FCHSD2: variants seen among roughly 807,000 people sequenced by gnomAD.
FCHSD2 encodes the protein F-BAR and double SH3 domains protein 2.
In FCHSD2, 38 loss-of-function variants were observed where a neutral mutation model predicts 108.1. The observed-to-expected ratio is 0.35, with a 90% CI of 0.27 to 0.46. FCHSD2 has a LOEUF of 0.46. FCHSD2 is among the 20% of genes least tolerant of loss of function. FCHSD2 has a pLI of 1.00. For missense variants in FCHSD2, 751 were observed against 897.8 expected (o/e 0.84, Z 2.09); for synonymous variants, 279 against 314.7 (o/e 0.89, Z 1.20).
intron 3 of FCHSD2, among the ~76,000 whole-genome samples, chr11:73,052,779 G>A (rs1858931454): frequency 6.6e-6 from 1 of 151,848 alleles, no homozygotes; most frequent in Admixed American, 6.6e-5. Flanking sequence ...AAGATCAAAG[G>A]GCAAAAAAAG....
At chr11:72,908,868 GGT>G (rs1855689058) in intron 9 of FCHSD2, among the ~76,000 whole-genome samples, 1 of 152,046 alleles carries the variant, frequency 6.6e-6, no homozygotes, top group Non-Finnish European at 1.5e-5. Flanking sequence ...TGCCCAGGCT[GGT>G]CTCTAACTCC....
rs1377717711 is a variant in FCHSD2, at chr11:72,941,045, C to A, written c.706-19095G>T. On this transcript the variant is annotated intron_variant, in intron 8 of 19. Transcript: ENST00000409418. ...GGAAAGGACCGTATGTTCCACCATG[C>A]TATTGGTGGTTCTTGCCGGGCAGCT... 4.3e-6 allele frequency: 3 copies of A among 691,484 alleles called. No individual in the cohort carries two copies. In the Admixed American group the frequency reaches 6.0e-5, roughly 14 times the overall value. The allele number at this position is 691,484 out of a possible 1,614,324, so 42.8% of individuals were successfully genotyped here.
At chr11:73,097,504 T>G (rs963837656) in intron 2 of FCHSD2, among the ~76,000 whole-genome samples, 1 of 151,694 alleles carries the variant, frequency 6.6e-6, no homozygotes, top group Non-Finnish European at 1.5e-5. Context: ...CATTCCCTTT[T>G]CTTCTGTTTT....
At chr11:72,879,914 G>T (rs1233160088) in intron 12 of FCHSD2, among the ~76,000 whole-genome samples, 2 of 150,382 alleles carry the variant, frequency 1.3e-5, no homozygotes, top group African/African-American at 2.4e-5. Flanking sequence ...CCGAACAATC[G>T]GTTGAACCCA....
At chr11:72,879,160 C>A (rs1855029270) in intron 12 of FCHSD2, among the ~76,000 whole-genome samples, 1 of 152,080 alleles carries the variant, frequency 6.6e-6, no homozygotes, top group Non-Finnish European at 1.5e-5. Flanking sequence ...ACAACTCTAT[C>A]CAGCCAGAGT....
intron 12 of FCHSD2, among the ~76,000 whole-genome samples, chr11:72,881,652 G>GATTAAGAAAA (rs1465218285): frequency 1.3e-5 from 2 of 152,122 alleles, no homozygotes; most frequent in African/African-American, 4.8e-5. Context: ...TCCATCAGTG[G>GATTAAGAAAA]ATTAAGAAAA....
At chr11:72,930,433 T>G (rs554727505) in intron 8 of FCHSD2, among the ~76,000 whole-genome samples, 5 of 152,298 alleles carry the variant, frequency 3.3e-5, no homozygotes, top group Admixed American at 1.3e-4. Flanking sequence ...ATTTAGAGAT[T>G]CATCTCTATA....
intron 3 of FCHSD2, among the ~76,000 whole-genome samples, chr11:73,074,087 G>C (rs879683583): frequency 6.6e-6 from 1 of 151,822 alleles, no homozygotes; most frequent in African/African-American, 2.4e-5. Flanking sequence ...GTGTGATATC[G>C]GGAAAAAAAT....
intron 3 of FCHSD2, among the ~76,000 whole-genome samples, chr11:73,023,697 A>C (rs1211547270): frequency 6.6e-6 from 1 of 152,210 alleles, no homozygotes; most frequent in Non-Finnish European, 1.5e-5. Flanking sequence ...ACTTAGGTTC[A>C]CAAAAAAACC....
intron 4 of FCHSD2, among the ~76,000 whole-genome samples, chr11:73,006,055 G>A (rs1857734507): frequency 6.6e-6 from 1 of 151,898 alleles, no homozygotes; most frequent in Non-Finnish European, 1.5e-5. Context: ...CTACAGGCAT[G>A]AGCCACTGCA....
chr11:72,881,670 T>C (rs1259316216), intron 12 of FCHSD2, among the ~76,000 whole-genome samples: 1 of 152,168 alleles, frequency 6.6e-6, no homozygotes, highest in East Asian at 1.9e-4. Context: ...AAATGTGATA[T>C]ATACACACAA....
At chr11:72,995,549 C>A (rs1480040468) in intron 5 of FCHSD2, among the ~76,000 whole-genome samples, 2 of 151,448 alleles carry the variant, frequency 1.3e-5, no homozygotes, top group Non-Finnish European at 2.9e-5. Context: ...AAAAAAAGTA[C>A]AAAAATCAGC....
intron 3 of FCHSD2, among the ~76,000 whole-genome samples, chr11:73,051,038 G>A (rs763972529): frequency 1.3e-5 from 2 of 152,156 alleles, no homozygotes; most frequent in African/African-American, 2.4e-5. Flanking sequence ...AAATCTTGCT[G>A]GGCACAGTGG....
chr11:73,080,295 T>TTA (rs1565400571), intron 3 of FCHSD2, among the ~76,000 whole-genome samples: 182 of 75,056 alleles, frequency 2.4e-3, no homozygotes, highest in African/African-American at 0.01. Flanking sequence ...AGACCCTGTC[T>TTA]CAAAAAAAAA....
intron 9 of FCHSD2, among the ~76,000 whole-genome samples, chr11:72,906,500 C>T (rs1855633479): frequency 1.3e-5 from 2 of 152,154 alleles, no homozygotes; most frequent in Non-Finnish European, 1.5e-5. Context: ...AGTCTTTGCC[C>T]ATGCCTATGT....
chr11:73,106,414 A>AC (rs1325926504), intron 2 of FCHSD2, among the ~76,000 whole-genome samples: 1 of 151,272 alleles, frequency 6.6e-6, no homozygotes. Flanking sequence ...TCCAAAAAAA[A>AC]AAAAAAAAGA....
chr11:72,949,482 G>A (rs1424918386), intron 8 of FCHSD2, among the ~76,000 whole-genome samples: 1 of 150,780 alleles, frequency 6.6e-6, no homozygotes, highest in African/African-American at 2.4e-5. Flanking sequence ...AGAAAGGAAA[G>A]AAAAAGAAAA....
chr11:73,075,469 ATGCAT>A (rs759510467), intron 3 of FCHSD2, among the ~76,000 whole-genome samples: 332 of 152,380 alleles, frequency 2.2e-3, no homozygotes, highest in Non-Finnish European at 3.3e-3. Flanking sequence ...TAGAACCTTC[ATGCAT>A]TGCAAAACGA....
intron 8 of FCHSD2, chr11:72,940,506 A>G (rs1856393564): frequency 3.7e-6 from 3 of 807,156 alleles, no homozygotes; most frequent in Non-Finnish European, 2.1e-6. Flanking sequence ...AGATGGGTGC[A>G]TACCCGCACA....
Sources: allele counts gnomAD v4.1 joint callset (sites outside exome capture counted in the v4.1 genomes callset), GRCh38; gene constraint gnomAD v4.1.1; transcripts MANE v1.5; gene names NCBI Gene and HGNC (gene_info 2026-07-23, HGNC 2026-07-21).